IFT43: variants seen among roughly 807,000 people sequenced by gnomAD.
IFT43 encodes intraflagellar transport 43.
A neutral mutation model predicts 32.3 loss-of-function variants in IFT43; 33 were observed. That is an observed-to-expected ratio of 1.02 (90% confidence interval 0.77 to 1.37). IFT43 has a LOEUF of 1.37. IFT43 is among the 40% of genes most tolerant of loss of function. The probability of loss-of-function intolerance (pLI) is 0.00; values close to 1 mark genes in which losing one functional copy is unlikely to be tolerated. For synonymous variants in IFT43, 93 were observed against 98.2 expected (o/e 0.95, Z 0.31); for missense variants, 274 against 265.9 (o/e 1.03, Z -0.21).
rs1003124843 is a variant in IFT43 at position 76,012,133 on chromosome 14, T to C, written c.148-10194T>C. Among the ~76,000 whole-genome samples, 9 of 152,356 alleles carry C rather than the reference T, an allele frequency of 5.9e-5. 1 individual carries two copies. In the South Asian group the frequency reaches 1.9e-3, roughly 32 times the overall value. ...TTTCTGTTGGAATTTATGCATGTAT[T>C]TGGACTGGCTTTTTGAAACAGGTTG... is the stretch of plus-strand genomic sequence containing the variant. On this transcript the variant is annotated intron_variant, in intron 2 of 8. Coordinates refer to ENST00000314067, the MANE Select transcript of IFT43 (RefSeq NM_001102564.3).
chr14:76,047,683 G>A (rs926311801), intron 3 of IFT43, among the ~76,000 whole-genome samples: 1 of 151,292 alleles, frequency 6.6e-6, no homozygotes, highest in East Asian at 1.9e-4. Context: ...CTGCCCGCCC[G>A]CCTGCCTGCC....
chr14:75,993,867 CCTT>C (rs147437228), intron 2 of IFT43, among the ~76,000 whole-genome samples: 32 of 152,192 alleles, frequency 2.1e-4, no homozygotes, highest in Non-Finnish European at 2.6e-4. Flanking sequence ...AGGGTGTACC[CCTT>C]CTTATCAGGA....
intron 5 of IFT43, among the ~76,000 whole-genome samples, chr14:76,067,409 TTAAAA>T (rs1230409931): frequency 1.3e-5 from 2 of 151,344 alleles, no homozygotes; most frequent in Non-Finnish European, 2.9e-5. Flanking sequence ...CTACTAAAAA[TTAAAA>T]AAAAAATTAG....
chr14:76,015,038 C>G (rs1427007579), intron 2 of IFT43, among the ~76,000 whole-genome samples: 9 of 152,160 alleles, frequency 5.9e-5, no homozygotes, highest in Non-Finnish European at 1.0e-4. Context: ...ACAGGGATGA[C>G]ATCTTCTACT....
chr14:76,068,584 A>G (rs573647453), intron 5 of IFT43, among the ~76,000 whole-genome samples: 1 of 152,336 alleles, frequency 6.6e-6, no homozygotes, highest in South Asian at 2.1e-4. Flanking sequence ...AAACTGTAGG[A>G]TGGCAAAACT....
intron 2 of IFT43, among the ~76,000 whole-genome samples, chr14:75,996,898 T>A (rs1423217451): frequency 6.6e-6 from 1 of 152,240 alleles, no homozygotes; most frequent in Non-Finnish European, 1.5e-5. Context: ...TGCCAGGTAT[T>A]GTGCTTTGAA....
chr14:76,006,496 G>A (rs1464408943), intron 2 of IFT43, among the ~76,000 whole-genome samples: 8 of 152,282 alleles, frequency 5.3e-5, no homozygotes, highest in South Asian at 2.1e-4. Flanking sequence ...AGAGACTGTA[G>A]CATGTTTTAA....
chr14:75,999,256 TATATATATATATATATGTATA>T (rs1566699425), intron 2 of IFT43, among the ~76,000 whole-genome samples: 52 of 12,160 alleles, frequency 4.3e-3, no homozygotes, highest in African/African-American at 0.014. Context: ...TATATATATA[TATATATATATATATATGTATA>T]TATATTTTTT....
At chr14:76,039,727 T>G (rs1257887898) in intron 3 of IFT43, among the ~76,000 whole-genome samples, 1 of 152,004 alleles carries the variant, frequency 6.6e-6, no homozygotes. Context: ...GAAACCTGAG[T>G]CTCTCTCTCC....
chr14:76,000,649 G>A (rs1488683656), intron 2 of IFT43, among the ~76,000 whole-genome samples: 1 of 152,056 alleles, frequency 6.6e-6, no homozygotes, highest in Non-Finnish European at 1.5e-5. Flanking sequence ...GCCTTACTTT[G>A]GGAAACAATA....
At position 76,083,354 on chromosome 14, in the gene IFT43, G is replaced by A. The variant is rs968608364; in HGVS notation, c.507+65G>A. ...GCATTCCCATAACCAGCCGACTCCC[G>A]GGCTGGCCTGTGCCTCCCTGAGGCC... On this transcript the variant is annotated intron_variant, in intron 8 of 8. Transcript: ENST00000314067. 9.3e-6 allele frequency: 15 copies of A among 1,610,338 alleles called. No homozygotes were observed. In the African/African-American group the frequency reaches 1.3e-4, roughly 14 times the overall value.
At chr14:76,015,071 A>G (rs1385620997) in intron 2 of IFT43, among the ~76,000 whole-genome samples, 2 of 152,218 alleles carry the variant, frequency 1.3e-5, no homozygotes, top group Non-Finnish European at 1.5e-5. Context: ...CCTAGTGCAC[A>G]TGGGACCAGT....
At chr14:76,052,492 G>T (rs911111919) in intron 3 of IFT43, among the ~76,000 whole-genome samples, 2 of 152,084 alleles carry the variant, frequency 1.3e-5, no homozygotes, top group African/African-American at 4.8e-5. Context: ...ACTCGATCAT[G>T]ATGGCCAGAT....
intron 3 of IFT43, among the ~76,000 whole-genome samples, chr14:76,035,583 A>C (rs2036584059): frequency 6.6e-6 from 1 of 152,176 alleles, no homozygotes; most frequent in Non-Finnish European, 1.5e-5. Context: ...GATTCCTATT[A>C]GGCTAAAAAG....
intron 2 of IFT43, among the ~76,000 whole-genome samples, chr14:76,002,104 G>A (rs138965903): frequency 2.4e-4 from 37 of 152,276 alleles, no homozygotes; most frequent in Non-Finnish European, 4.7e-4. Flanking sequence ...AAAATTAGCT[G>A]GGCGTGGTGG....
chr14:76,012,614 A>G (rs1379110550), intron 2 of IFT43, among the ~76,000 whole-genome samples: 1 of 152,166 alleles, frequency 6.6e-6, no homozygotes, highest in Admixed American at 6.5e-5. Context: ...CCCTCCGTCC[A>G]TCAGGCGGCA....
chr14:75,996,076 T>C (rs1175427393), intron 2 of IFT43, among the ~76,000 whole-genome samples: 2 of 152,198 alleles, frequency 1.3e-5, no homozygotes, highest in South Asian at 2.1e-4. Flanking sequence ...AAAACATGCT[T>C]TCTTGCTGGC....
intron 3 of IFT43, among the ~76,000 whole-genome samples, chr14:76,045,829 C>G (rs577017770): frequency 6.6e-6 from 1 of 152,290 alleles, no homozygotes; most frequent in East Asian, 1.9e-4. Context: ...ACCCCTCAGC[C>G]CCAGAGAGGC....
chr14:76,057,970 T>C (rs531791942), intron 3 of IFT43, among the ~76,000 whole-genome samples: 1 of 152,094 alleles, frequency 6.6e-6, no homozygotes, highest in East Asian at 1.9e-4. Flanking sequence ...TAAAAATGCA[T>C]ATTCCTGGGC....
Sources: gnomAD v4.1 joint callset for allele counts (sites outside exome capture counted in the v4.1 genomes callset) on GRCh38, gnomAD v4.1.1 for gene constraint, MANE v1.5 for transcripts, NCBI Gene and HGNC (gene_info 2026-07-23, HGNC 2026-07-21) for gene names.